AP2B1: variants seen among roughly 807,000 people sequenced by gnomAD.
The protein encoded by AP2B1 is AP-2 complex subunit beta.
AP2B1 carries 23 observed loss-of-function variants against 102.0 expected under a neutral mutation model. The observed-to-expected ratio is 0.23, with a 90% confidence interval of 0.16 to 0.32. The LOEUF (loss-of-function observed/expected upper bound fraction) is 0.32, where lower values mean the gene tolerates loss of function less well. Among genes scored for constraint, AP2B1 ranks in the 10% least tolerant of loss-of-function variants. The probability of loss-of-function intolerance (pLI) is 1.00; values close to 1 mark genes in which losing one functional copy is unlikely to be tolerated. For synonymous variants in AP2B1, 381 were observed against 421.2 expected (o/e 0.90, Z 1.17); for missense variants, 541 against 1,157.4 (o/e 0.47, Z 7.73).
Position 35,639,615 on chromosome 17 carries a change from C to A in AP2B1, c.1292C>A (p.Thr431Asn). 1 of 1,613,104 alleles carries A rather than the reference C, an allele frequency of 6.2e-7. No individual in the cohort carries two copies. Among genetic ancestry groups the A allele is most frequent in the South Asian group, 1.1e-5 (1 of 90,896 alleles). The change falls in exon 11 of 22, where the codon ACT becomes AAT. Residue 431 changes from threonine (T) to asparagine (N), a missense_variant. Physicochemically the swap from Thr to Asn is moderately conservative, Grantham distance 65 (BLOSUM62 0). Around this residue, in one of 10 missense-constraint regions of AP2B1, gnomAD observed 106 missense variants for 296.4 expected, o/e 0.36. Coordinates refer to ENST00000610402, the MANE Select transcript of AP2B1 (RefSeq NM_001030006.2). Reference protein sequence around the residue: ...YPNKYESIIATLCENLDSLDE... With the variant: ...YPNKYESIIANLCENLDSLDE... Reference sequence around the variant, plus strand: ...ATCAGGTATGAAAGTATCATCGCCACTCTGTGTGAGAACTTAGACTCGCTG... The same window carrying A: ...ATCAGGTATGAAAGTATCATCGCCAATCTGTGTGAGAACTTAGACTCGCTG...
At chr17:35,683,078 A>G (rs982502837) in intron 18 of AP2B1, among the ~76,000 whole-genome samples, 16 of 152,194 alleles carry the variant, frequency 1.1e-4, no homozygotes, top group African/African-American at 3.6e-4. Flanking sequence ...GGGTTTCACC[A>G]TGTTGGCCAG....
intron 21 of AP2B1, among the ~76,000 whole-genome samples, chr17:35,720,573 A>ATTTTTTT (rs1208973388): frequency 2.1e-4 from 6 of 28,068 alleles, no homozygotes; most frequent in Non-Finnish European, 3.1e-4. Context: ...ATATATATAT[A>ATTTTTTT]TTTTTTTTTT....
At chr17:35,602,742 T>A (rs925885268) in intron 3 of AP2B1, among the ~76,000 whole-genome samples, 2 of 152,232 alleles carry the variant, frequency 1.3e-5, no homozygotes, top group African/African-American at 4.8e-5. Context: ...AGTAGTCACA[T>A]GTGACTAGTG....
intron 17 of AP2B1, among the ~76,000 whole-genome samples, chr17:35,679,774 T>G (rs1429592858): frequency 6.6e-6 from 1 of 152,196 alleles, no homozygotes; most frequent in East Asian, 1.9e-4. Context: ...GTAAAATTTT[T>G]TTTGCCTTAT....
At chr17:35,723,554 G>C in intron 21 of AP2B1, 71 bp from the exon 22 acceptor site, 1 of 996,382 alleles carries the variant, frequency 1.0e-6, no homozygotes, top group South Asian at 1.3e-5. Flanking sequence ...TTCTTGAACT[G>C]AGTGCTTGGA....
At chr17:35,698,828 C>G (rs756883610) in intron 18 of AP2B1, among the ~76,000 whole-genome samples, 1 of 152,214 alleles carries the variant, frequency 6.6e-6, no homozygotes, top group Non-Finnish European at 1.5e-5. Context: ...TCTGACCTTG[C>G]TGTGCTTTGG....
chr17:35,666,315 A>G (rs1045050228), intron 14 of AP2B1, among the ~76,000 whole-genome samples: 1 of 152,198 alleles, frequency 6.6e-6, no homozygotes, highest in African/African-American at 2.4e-5. Flanking sequence ...AGTTCCACTC[A>G]GCATTACTTC....
At chr17:35,601,633 A>G (rs560257595) in intron 3 of AP2B1, among the ~76,000 whole-genome samples, 7 of 152,282 alleles carry the variant, frequency 4.6e-5, no homozygotes, top group Admixed American at 2.0e-4. Context: ...GGATTGTACA[A>G]AAATCCAGCA....
At chr17:35,691,030 A>G (rs145592803) in intron 18 of AP2B1, among the ~76,000 whole-genome samples, 1 of 152,208 alleles carries the variant, frequency 6.6e-6, no homozygotes, top group African/African-American at 2.4e-5. Flanking sequence ...TCTCACATAA[A>G]CATTGTCGAA....
intron 18 of AP2B1, among the ~76,000 whole-genome samples, chr17:35,699,670 A>G (rs1275622410): frequency 2.6e-5 from 4 of 152,218 alleles, no homozygotes; most frequent in Non-Finnish European, 5.9e-5. Flanking sequence ...TTTTAACTCT[A>G]TCAGATACTG....
rs139819845 is a variant in AP2B1, at chr17:35,638,869, G to C, written c.1272-726G>C. Among the ~76,000 whole-genome samples the C allele has an allele frequency of 4.0e-4, 61 of 150,734 alleles. 1 individual carries two copies. The East Asian group carries it at 9.6e-3, about 24-fold the overall frequency. On this transcript the variant is annotated intron_variant, in intron 10 of 21. Transcript: ENST00000610402. ...TTAAGGGACAGATTTACCATTTCTTGTCTGGACACTGTTGTTGTCTAACTT... is the reference window on the plus strand; with the variant it reads ...TTAAGGGACAGATTTACCATTTCTTCTCTGGACACTGTTGTTGTCTAACTT...
At position 35,707,472 on chromosome 17, in the gene AP2B1, T is replaced by C. The variant is rs2076367013; in HGVS notation, c.2455-1752T>C. ...GGCTTCCCCCCTTTTTTTTTTTTTT[T>C]GACAGAGTCTTGCTTTGTCACCCAG... On this transcript the variant is annotated intron_variant, in intron 18 of 21. Coordinates refer to ENST00000610402, the MANE Select transcript of AP2B1 (RefSeq NM_001030006.2). 2.2e-5 allele frequency among the ~76,000 whole-genome samples: 3 copies of C among 135,064 alleles called. No individual in the cohort carries two copies. In the East Asian group the frequency reaches 6.5e-4, roughly 29 times the overall value. The allele number at this position is 135,064 out of a possible 152,430, so 88.6% of individuals were successfully genotyped here.
At chr17:35,605,665 C>T (rs1383075596) in intron 3 of AP2B1, 40 bp from the exon 4 acceptor site, 1 of 1,494,792 alleles carries the variant, frequency 6.7e-7, no homozygotes, top group Non-Finnish European at 9.2e-7. Context: ...GGCACCAACA[C>T]CTGCTTACTT....
intron 18 of AP2B1, among the ~76,000 whole-genome samples, chr17:35,704,132 A>G (rs1159699713): frequency 1.3e-5 from 2 of 152,222 alleles, no homozygotes; most frequent in Non-Finnish European, 2.9e-5. Context: ...AGCAATCAGC[A>G]TCAGGATTGG....
intron 13 of AP2B1, among the ~76,000 whole-genome samples, chr17:35,653,867 T>C (rs1284472937): frequency 6.6e-6 from 1 of 152,218 alleles, no homozygotes; most frequent in African/African-American, 2.4e-5. Context: ...CCCTTGTTGC[T>C]GTCAGGCTTC....
At chr17:35,620,087 AGGATTTATTTTT>A (rs2074131873) in intron 5 of AP2B1, among the ~76,000 whole-genome samples, 1 of 152,130 alleles carries the variant, frequency 6.6e-6, no homozygotes, top group Admixed American at 6.5e-5. Flanking sequence ...TGCTCGGCCA[AGGATTTATTTTT>A]TTAATGCTGC....
chr17:35,658,446 C>T (rs533229216), intron 14 of AP2B1, among the ~76,000 whole-genome samples: 254 of 152,114 alleles, frequency 1.7e-3, no homozygotes, highest in Non-Finnish European at 2.5e-3. Context: ...AGAATACCTG[C>T]GAACATTTGC....
At position 35,707,541 on chromosome 17, in the gene AP2B1, C is replaced by T. The variant is rs1215177877; in HGVS notation, c.2455-1683C>T. Among the ~76,000 whole-genome samples, 5 of 151,700 alleles carry T rather than the reference C, an allele frequency of 3.3e-5. No individual in the cohort carries two copies. In the East Asian group the frequency reaches 9.7e-4, roughly 29 times the overall value. ...TATCTCAGCTCACTGCAGCCTCCAC[C>T]TCCCAAGTTCAAGCTATTCTCCCAC... On this transcript the variant is annotated intron_variant, in intron 18 of 21. Coordinates refer to ENST00000610402, the MANE Select transcript of AP2B1 (RefSeq NM_001030006.2).
At chr17:35,649,671 C>T (rs2075037198) in intron 12 of AP2B1, among the ~76,000 whole-genome samples, 1 of 152,208 alleles carries the variant, frequency 6.6e-6, no homozygotes, top group Non-Finnish European at 1.5e-5. Context: ...GAATTTGAGT[C>T]TTAGGATTAA....
Sources: allele counts gnomAD v4.1 joint callset (sites outside exome capture counted in the v4.1 genomes callset), GRCh38; gene constraint gnomAD v4.1.1; regional missense constraint gnomAD v4.1.1; transcripts MANE v1.5; gene names NCBI Gene and HGNC (gene_info 2026-07-23, HGNC 2026-07-21).